UBE2D2: variants seen among roughly 807,000 people sequenced by gnomAD.
UBE2D2 encodes ubiquitin conjugating enzyme E2 D2.
UBE2D2 carries 2 observed loss-of-function variants against 24.2 expected under a neutral mutation model. That is an observed-to-expected ratio of 0.08 (90% CI 0.03 to 0.26). The LOEUF (loss-of-function observed/expected upper bound fraction) is 0.26, where lower values mean the gene tolerates loss of function less well. UBE2D2 is among the 10% of genes least tolerant of loss of function. The pLI, the probability that UBE2D2 is intolerant of heterozygous loss-of-function variation, is 1.00. For missense variants in UBE2D2, 44 were observed against 177.6 expected, an observed-to-expected ratio of 0.25 and a Z score of 4.28; for synonymous variants, 58 against 56.5, an observed-to-expected ratio of 1.03 and a Z score of -0.12.
chr5:139,528,865 G>T (rs1752568907), intron 1 of UBE2D2, among the ~76,000 whole-genome samples: 1 of 152,088 alleles, frequency 6.6e-6, no homozygotes, highest in Admixed American at 6.6e-5. Flanking sequence ...AGTAGACTAG[G>T]AGCTGTACGT....
Position 139,627,056 on chromosome 5 carries a change from A to G in UBE2D2, c.*255A>G. On this transcript the variant is annotated 3_prime_UTR_variant, in exon 7 of 7. Transcript: ENST00000398733. ...CAAGCCAGTTCTACAGGCATTACCT[A>G]GGTGTGAGACTAAAAGCTTTTCTTA... The G allele has an allele frequency of 2.4e-6, 1 of 421,886 alleles. No individual in the cohort carries two copies. Among genetic ancestry groups the G allele is most frequent in the South Asian group, 2.9e-5 (1 of 33,934 alleles). The allele number at this position is 421,886 out of a possible 1,614,324, so 26.1% of individuals were successfully genotyped here. A position where few individuals can be genotyped will look rare whatever the true frequency, so the allele number is the denominator to read the frequency against.
At chr5:139,620,704 A>ATC (rs1326568775) in intron 5 of UBE2D2, among the ~76,000 whole-genome samples, 1 of 152,236 alleles carries the variant, frequency 6.6e-6, no homozygotes, top group Non-Finnish European at 1.5e-5. Flanking sequence ...GAAGCCCTTG[A>ATC]TCTCTATAGG....
chr5:139,623,981 A>G (rs1339784562), intron 6 of UBE2D2, among the ~76,000 whole-genome samples: 1 of 152,084 alleles, frequency 6.6e-6, no homozygotes. Context: ...GTGAGCCACC[A>G]CACCCATACA....
chr5:139,541,941 C>T (rs867389879), intron 1 of UBE2D2, among the ~76,000 whole-genome samples: 4 of 151,604 alleles, frequency 2.6e-5, no homozygotes, highest in Non-Finnish European at 5.9e-5. Context: ...AATCCCAGCA[C>T]TTTGGGAGGC....
chr5:139,614,512 G>T, intron 2 of UBE2D2, 74 bp from the exon 3 acceptor site: 1 of 1,520,170 alleles, frequency 6.6e-7, no homozygotes, highest in Non-Finnish European at 9.1e-7. Flanking sequence ...ATTAGAAGGG[G>T]AATGATATGT....
At chr5:139,616,131 G>A (rs1326616647) in intron 5 of UBE2D2, among the ~76,000 whole-genome samples, 1 of 147,306 alleles carries the variant, frequency 6.8e-6, no homozygotes, top group East Asian at 2.2e-4. Context: ...ACCGTGCCCA[G>A]CCAAATAATC....
Position 139,535,623 on chromosome 5 carries a change from T to C in UBE2D2, c.-64+9011T>C, listed in dbSNP as rs116095475. ...CAGCCTGGGTGACAGAGTGACACTA[T>C]CTCAAAAAAAAATTCAAAAGTTCTC... On this transcript the variant is annotated intron_variant, in intron 1 of 6. Coordinates refer to the UBE2D2 transcript ENST00000511725. Among the ~76,000 whole-genome samples the C allele has an allele frequency of 1.4e-3, 219 of 151,666 alleles. 1 individual carries two copies. Among genetic ancestry groups the C allele is most frequent in the African/African-American group, 5.1e-3 (210 of 41,346 alleles).
chr5:139,574,923 T>G (rs1028754744), intron 1 of UBE2D2, among the ~76,000 whole-genome samples: 3 of 152,162 alleles, frequency 2.0e-5, no homozygotes, highest in African/African-American at 7.2e-5. Flanking sequence ...AAAGATAATT[T>G]TGTTGTTATT....
At chr5:139,609,079 T>C (rs1167729767) in intron 2 of UBE2D2, among the ~76,000 whole-genome samples, 2 of 150,518 alleles carry the variant, frequency 1.3e-5, no homozygotes, top group African/African-American at 4.9e-5. Context: ...AGAGCGAGAC[T>C]CCATCTCAAA....
At chr5:139,592,095 G>A (rs1455364415) in intron 1 of UBE2D2, among the ~76,000 whole-genome samples, 4 of 152,062 alleles carry the variant, frequency 2.6e-5, no homozygotes, top group Non-Finnish European at 5.9e-5. Flanking sequence ...CCAGCTACTC[G>A]GGAGGCTGAG....
At chr5:139,603,570 C>T (rs898865572) in intron 2 of UBE2D2, among the ~76,000 whole-genome samples, 1 of 142,486 alleles carries the variant, frequency 7.0e-6, no homozygotes, top group Non-Finnish European at 1.5e-5. Flanking sequence ...TGTGGTGAGC[C>T]GAGATCCCGC....
intron 2 of UBE2D2, among the ~76,000 whole-genome samples, chr5:139,612,565 C>G (rs1436336293): frequency 6.6e-6 from 1 of 152,224 alleles, no homozygotes; most frequent in East Asian, 1.9e-4. Context: ...AATTAATACT[C>G]TTCCATTATA....
intron 1 of UBE2D2, among the ~76,000 whole-genome samples, chr5:139,582,175 C>T (rs1355948801): frequency 6.6e-6 from 1 of 151,932 alleles, no homozygotes; most frequent in Non-Finnish European, 1.5e-5. Flanking sequence ...GACAAGGCCT[C>T]ACTATGTTGT....
At chr5:139,604,941 A>G (rs1374718695) in intron 2 of UBE2D2, among the ~76,000 whole-genome samples, 1 of 151,932 alleles carries the variant, frequency 6.6e-6, no homozygotes, top group Non-Finnish European at 1.5e-5. Flanking sequence ...ATAAGAGTAC[A>G]TCAAGTATGA....
In UBE2D2 at chr5:139,556,126, C is replaced by G. The variant is rs552496239; in HGVS notation, c.-64+29514C>G. ...TGGCACATGCCTGTAATCCCAGCTA[C>G]TCGGGAGGCTGAGGAAGGAAAATCA... On this transcript the variant is annotated intron_variant, in intron 1 of 6. Transcript: ENST00000511725. Among the ~76,000 whole-genome samples, 13 of 151,744 alleles carry G rather than the reference C, an allele frequency of 8.6e-5. No individual in the cohort carries two copies. In the South Asian group the frequency reaches 2.7e-3, roughly 32 times the overall value.
intron 1 of UBE2D2, among the ~76,000 whole-genome samples, chr5:139,568,137 A>G (rs969748313): frequency 6.6e-6 from 1 of 151,876 alleles, no homozygotes; most frequent in African/African-American, 2.4e-5. Flanking sequence ...TGAGGTCAGG[A>G]GTTCGAGACC....
chr5:139,576,077 A>C (rs1753462379), intron 1 of UBE2D2, among the ~76,000 whole-genome samples: 1 of 152,216 alleles, frequency 6.6e-6, no homozygotes, highest in African/African-American at 2.4e-5. Flanking sequence ...CAATGGTAGG[A>C]GTTTTAGATT....
chr5:139,551,974 C>T (rs1581486543), intron 1 of UBE2D2, among the ~76,000 whole-genome samples: 1 of 152,118 alleles, frequency 6.6e-6, no homozygotes, highest in Admixed American at 6.6e-5. Context: ...GTAAGCAGAA[C>T]ACATCCCAAA....
intron 1 of UBE2D2, among the ~76,000 whole-genome samples, chr5:139,569,249 T>G (rs915988428): frequency 1.3e-5 from 2 of 152,186 alleles, no homozygotes; most frequent in African/African-American, 4.8e-5. Flanking sequence ...TTATTTCCTT[T>G]ACAAAAGATC....
Sources: gnomAD v4.1 joint callset for allele counts (sites outside exome capture counted in the v4.1 genomes callset) on GRCh38, gnomAD v4.1.1 for gene constraint, MANE v1.5 for transcripts, NCBI Gene and HGNC (gene_info 2026-07-23, HGNC 2026-07-21) for gene names.